The following CGNL1 variants were observed in gnomAD, a reference collection of about 807,000 sequenced individuals.
CGNL1 encodes the protein cingulin like 1, also known as cingulin-like protein 1.
CGNL1 carries 132 observed loss-of-function variants against 141.2 expected under a neutral mutation model. That is an observed-to-expected ratio of 0.93 (90% CI 0.81 to 1.08). CGNL1 has a LOEUF of 1.08. Among genes scored for constraint, CGNL1 ranks in the 50% least tolerant of loss-of-function variants. CGNL1 has a pLI of 0.00. For missense variants in CGNL1, 1,870 were observed against 1,588.6 expected (o/e 1.18, Z -3.01); for synonymous variants, 690 against 622.1 (o/e 1.11, Z -1.63).
chr15:57,401,721 G>A (rs964705718), intron 1 of CGNL1, among the ~76,000 whole-genome samples: 6 of 152,092 alleles, frequency 3.9e-5, no homozygotes, highest in African/African-American at 9.7e-5. Context: ...ATTTCCTTAT[G>A]ACGCATTCTG....
At chr15:57,525,692 C>A (rs1400734152) in intron 12 of CGNL1, among the ~76,000 whole-genome samples, 1 of 152,022 alleles carries the variant, frequency 6.6e-6, no homozygotes, top group African/African-American at 2.4e-5. Context: ...ACTTTAATTT[C>A]TTTGATGATC....
intron 8 of CGNL1, among the ~76,000 whole-genome samples, chr15:57,470,250 G>GTC (rs199777064): frequency 5.1e-4 from 23 of 44,750 alleles, no homozygotes; most frequent in African/African-American, 2.8e-3. Flanking sequence ...CTTTTTTTTT[G>GTC]TCTCTCTTTT....
chr15:57,404,559 G>A (rs75841046), intron 1 of CGNL1, among the ~76,000 whole-genome samples: 1,973 of 152,252 alleles, frequency 0.013, 52 homozygotes, highest in African/African-American at 0.044. Context: ...GCTTTTAGTA[G>A]TGGCTTCGTT....
intron 1 of CGNL1, among the ~76,000 whole-genome samples, chr15:57,387,226 G>T (rs1312812560): frequency 3.3e-5 from 5 of 152,104 alleles, no homozygotes; most frequent in African/African-American, 1.2e-4. Context: ...CTTTCACTTA[G>T]CATAATGTTT....
rs149698436 is a variant in CGNL1, at chr15:57,397,308, C to T, written c.-16+20741C>T. Among the ~76,000 whole-genome samples, 386 of 152,268 alleles carry T rather than the reference C, an allele frequency of 2.5e-3. 1 individual carries two copies. Among genetic ancestry groups the T allele is most frequent in the African/African-American group, 9.1e-3 (379 of 41,552 alleles). ...TTGCTATGAAGCAGTCAAAACGGTT[C>T]TCCTTCATCAGCCTGTGACCCACAG... On this transcript the variant is annotated intron_variant, in intron 1 of 18. Coordinates refer to ENST00000281282, the MANE Select transcript of CGNL1 (RefSeq NM_032866.5).
At chr15:57,472,609 T>A (rs2152347339) in intron 8 of CGNL1, among the ~76,000 whole-genome samples, 1 of 152,232 alleles carries the variant, frequency 6.6e-6, no homozygotes, top group East Asian at 1.9e-4. Flanking sequence ...TCTTCCACAA[T>A]TTCATTCTAT....
intron 1 of CGNL1, among the ~76,000 whole-genome samples, chr15:57,434,836 G>T (rs1269489088): frequency 6.6e-6 from 1 of 152,144 alleles, no homozygotes; most frequent in African/African-American, 2.4e-5. Context: ...AAAATACAAG[G>T]AGTCAAATTT....
rs1354829861 is a variant in CGNL1, at chr15:57,474,271, A to G, written c.2403+12379A>G. Reference sequence around the variant, plus strand: ...TTTGTGAGGTAATGTTTGTCACTTTAGGCTGCTAAGTTTTGGGACAATTTG... The same window carrying G: ...TTTGTGAGGTAATGTTTGTCACTTTGGGCTGCTAAGTTTTGGGACAATTTG... On this transcript the variant is annotated intron_variant, in intron 8 of 18. Transcript: ENST00000281282. 2.0e-5 allele frequency among the ~76,000 whole-genome samples: 3 copies of G among 152,042 alleles called. No individual in the cohort carries two copies. The East Asian group carries it at 5.8e-4, about 29-fold the overall frequency.
chr15:57,380,611 C>G (rs1379615101), intron 1 of CGNL1, among the ~76,000 whole-genome samples: 1 of 152,078 alleles, frequency 6.6e-6, no homozygotes, highest in Non-Finnish European at 1.5e-5. Context: ...TCTATTAGGC[C>G]CGTACCCCAA....
chr15:57,454,603 C>G (rs1216762478), intron 7 of CGNL1, among the ~76,000 whole-genome samples: 1 of 152,138 alleles, frequency 6.6e-6, no homozygotes, highest in African/African-American at 2.4e-5. Flanking sequence ...GGTCACCCAG[C>G]CCAGGAGTTC....
intron 8 of CGNL1, among the ~76,000 whole-genome samples, chr15:57,470,694 C>T (rs1376191586): frequency 6.6e-6 from 1 of 152,074 alleles, no homozygotes; most frequent in African/African-American, 2.4e-5. Context: ...GTGCTAGTCA[C>T]CAAGAATATA....
chr15:57,437,959 C>T (rs781271183), intron 1 of CGNL1, 26 bp from the exon 2 acceptor site: 1 of 1,575,954 alleles, frequency 6.3e-7, no homozygotes, highest in Non-Finnish European at 8.6e-7. Flanking sequence ...CTAATGTCCT[C>T]TTTTTACCCC....
chr15:57,529,551 C>A (rs940434065), intron 13 of CGNL1, among the ~76,000 whole-genome samples: 2 of 135,398 alleles, frequency 1.5e-5, no homozygotes, highest in African/African-American at 5.7e-5. Context: ...GCAAAACTAA[C>A]CCCCAGAAAC....
At chr15:57,426,612 ATTTT>A (rs35055374) in intron 1 of CGNL1, among the ~76,000 whole-genome samples, 2 of 119,640 alleles carry the variant, frequency 1.7e-5, no homozygotes. Context: ...ATGCTTGGCT[ATTTT>A]TTTTTTTTTT....
intron 3 of CGNL1, among the ~76,000 whole-genome samples, 192 bp from the exon 4 acceptor site, chr15:57,442,181 T>TAAAAAAAAAAAAAAAA (rs1567120591): frequency 4.9e-5 from 1 of 20,590 alleles, no homozygotes; most frequent in African/African-American, 2.0e-4. Flanking sequence ...ATCATTTATT[T>TAAAAAAAAAAAAAAAA]GAAAAAAAAA....
At chr15:57,465,366 C>G (rs1311180628) in intron 8 of CGNL1, among the ~76,000 whole-genome samples, 1 of 147,966 alleles carries the variant, frequency 6.8e-6, no homozygotes, top group Admixed American at 6.8e-5. Flanking sequence ...CCACCAACCA[C>G]TATGGCTAAA....
At chr15:57,544,843 A>T (rs1289351044) in intron 16 of CGNL1, among the ~76,000 whole-genome samples, 1 of 152,104 alleles carries the variant, frequency 6.6e-6, no homozygotes, top group Admixed American at 6.5e-5. Flanking sequence ...TAGGACCCCC[A>T]CTTCTCAGTC....
At chr15:57,444,506 G>A (rs528598566) in intron 4 of CGNL1, among the ~76,000 whole-genome samples, 1 of 152,150 alleles carries the variant, frequency 6.6e-6, no homozygotes, top group African/African-American at 2.4e-5. Context: ...ATACCTGTTT[G>A]TTCTTAGAGT....
chr15:57,454,726 C>T lies in CGNL1; in HGVS notation c.2190+908C>T, dbSNP rs372806401. Among the ~76,000 whole-genome samples the T allele has an allele frequency of 5.9e-5, 9 of 152,252 alleles. No homozygotes were observed. In the South Asian group the frequency reaches 8.3e-4, roughly 14 times the overall value. Reference sequence around the variant, plus strand: ...CTCCTGAGAAGCCCTCAGCATTGTTCCTTACCAACTGGGATTCCTCTTTTT... The same window carrying T: ...CTCCTGAGAAGCCCTCAGCATTGTTTCTTACCAACTGGGATTCCTCTTTTT... On this transcript the variant is annotated intron_variant, in intron 7 of 18. Coordinates refer to ENST00000281282, the MANE Select transcript of CGNL1 (RefSeq NM_032866.5).
Sources: allele counts gnomAD v4.1 joint callset (sites outside exome capture counted in the v4.1 genomes callset), GRCh38; gene constraint gnomAD v4.1.1; transcripts MANE v1.5; gene names NCBI Gene and HGNC (gene_info 2026-07-23, HGNC 2026-07-21).